Variants in TMCO5A observed in about 807,000 individuals in gnomAD.
TMCO5A encodes the protein transmembrane and coiled-coil domain-containing protein 5A.
A neutral mutation model predicts 42.3 loss-of-function variants in TMCO5A; 34 were observed. The observed-to-expected ratio is 0.80, with a 90% CI of 0.61 to 1.07. The LOEUF is 1.07. TMCO5A is among the 50% of genes least tolerant of loss of function. The pLI is 0.00. For missense variants in TMCO5A, 357 were observed against 327.9 expected (o/e 1.09, Z -0.69); for synonymous variants, 131 against 115.6 (o/e 1.13, Z -0.86).
At chr15:37,949,721 T>A (rs984752558) in intron 11 of TMCO5A, among the ~76,000 whole-genome samples, 33 of 149,620 alleles carry the variant, frequency 2.2e-4, no homozygotes, top group African/African-American at 7.7e-4. Flanking sequence ...AAAAAAAAAA[T>A]AAAAATCTTC....
the TMCO5A span, among the ~76,000 whole-genome samples, chr15:38,010,197 C>A: frequency 2.1e-5 from 3 of 142,134 alleles, no homozygotes; most frequent in South Asian, 7.1e-4. Flanking sequence ...GACAGTGAAA[C>A]CCCGTCTCTA....
At chr15:37,987,652 C>T in the TMCO5A span, among the ~76,000 whole-genome samples, 2 of 151,946 alleles carry the variant, frequency 1.3e-5, no homozygotes, top group African/African-American at 2.4e-5. Flanking sequence ...TCTTGGCACA[C>T]TTATCAAAAC....
the TMCO5A span, chr15:37,994,787 C>A: frequency 6.6e-6 from 1 of 152,308 alleles, no homozygotes; most frequent in Non-Finnish European, 1.5e-5. Context: ...TACAAGCCAG[C>A]CCAGTTCTGG....
rs747125836 is a variant in TMCO5A at position 37,951,182 on chromosome 15, G to A, written c.815G>A (p.Cys272Tyr). The change falls in exon 12 of 12, where the codon TGC becomes TAC. Residue 272 changes from cysteine (C) to tyrosine (Y), a missense_variant. By Grantham distance (194) the Cys-to-Tyr change is radical. Coordinates refer to ENST00000319669, the MANE Select transcript of TMCO5A (RefSeq NM_152453.4). Reference protein sequence around the residue: ...LGRSTLWKLRCFFFPSLTLET... With the variant: ...LGRSTLWKLRYFFFPSLTLET... ...AGGAGCACCTTGTGGAAGCTCAGAT[G>A]CTTCTTCTTTCCATCTCTCACACTT... 3 of 1,613,854 alleles carry A rather than the reference G, an allele frequency of 1.9e-6. No homozygotes were observed. The highest frequency in any genetic ancestry group is 2.2e-5 in the South Asian group (2 of 91,064).
intron 10 of TMCO5A, among the ~76,000 whole-genome samples, chr15:37,946,792 C>T (rs989506258): frequency 1.3e-5 from 2 of 152,104 alleles, no homozygotes; most frequent in African/African-American, 2.4e-5. Flanking sequence ...ATCATGTCAC[C>T]TGCAAACAAA....
the TMCO5A span, among the ~76,000 whole-genome samples, chr15:38,005,386 C>G: frequency 1.5e-5 from 2 of 132,734 alleles, no homozygotes; most frequent in Non-Finnish European, 1.6e-5. Context: ...AGCAAGACCC[C>G]ATCTCTACCA....
the TMCO5A span, among the ~76,000 whole-genome samples, chr15:37,979,683 C>T: frequency 1.3e-5 from 2 of 151,928 alleles, no homozygotes; most frequent in South Asian, 2.1e-4. Context: ...CGGTGGAGGG[C>T]TGCATTAGTC....
At chr15:38,029,097 T>C in the TMCO5A span, among the ~76,000 whole-genome samples, 1 of 152,108 alleles carries the variant, frequency 6.6e-6, no homozygotes, top group Non-Finnish European at 1.5e-5. Flanking sequence ...GAGAAGCAGA[T>C]GAATCAGACT....
chr15:37,940,585 T>C (rs1208996624), intron 6 of TMCO5A, among the ~76,000 whole-genome samples: 1 of 152,124 alleles, frequency 6.6e-6, no homozygotes, highest in Non-Finnish European at 1.5e-5. Flanking sequence ...CATTATCATG[T>C]AGATGTATTT....
chr15:37,959,388 C>A (rs542684479), intron 11 of TMCO5A, among the ~76,000 whole-genome samples: 1 of 151,872 alleles, frequency 6.6e-6, no homozygotes, highest in African/African-American at 2.4e-5. Context: ...CAAAACCAGA[C>A]AAAGACACGT....
At chr15:38,032,959 G>C in the TMCO5A span, among the ~76,000 whole-genome samples, 2 of 133,684 alleles carry the variant, frequency 1.5e-5, no homozygotes, top group African/African-American at 5.8e-5. Flanking sequence ...ACGGAGTCTC[G>C]CCTTGTCGCC....
chr15:37,956,934 A>G (rs927254229), intron 11 of TMCO5A, among the ~76,000 whole-genome samples: 2 of 152,310 alleles, frequency 1.3e-5, no homozygotes, highest in African/African-American at 2.4e-5. Context: ...GGCTGGTTCA[A>G]CGGATGCCAA....
chr15:37,978,375 G>A, the TMCO5A span, among the ~76,000 whole-genome samples: 1 of 152,244 alleles, frequency 6.6e-6, no homozygotes, highest in Non-Finnish European at 1.5e-5. Context: ...CTCGGTCCTA[G>A]GGAAACACAG....
At chr15:37,980,469 GTCTC>G in the TMCO5A span, among the ~76,000 whole-genome samples, 1 of 152,044 alleles carries the variant, frequency 6.6e-6, no homozygotes, top group East Asian at 1.9e-4. Context: ...TAGCTGTCCT[GTCTC>G]TCTCTTCTCC....
In TMCO5A at chr15:37,942,342, A is replaced by G. The variant is rs77183192; in HGVS notation, c.569+87A>G. On this transcript the variant is annotated intron_variant, in intron 9 of 11. Coordinates refer to ENST00000319669, the MANE Select transcript of TMCO5A (RefSeq NM_152453.4). ...GCAAACAGTTCTCAGACCAATTTCT[A>G]TTTGGAATTGAATGAGTCCCGACGC... The G allele has an allele frequency of 5.8e-3, 7,703 of 1,323,290 alleles. 165 individuals are homozygous for G. In the East Asian group the frequency reaches 0.062, roughly 11 times the overall value. 82.0% of individuals were successfully genotyped at this position (1,323,290 alleles called of 1,614,324 possible). A position where few individuals can be genotyped will look rare whatever the true frequency, so the allele number is the denominator to read the frequency against.
chr15:37,942,277 T>C, intron 9 of TMCO5A, 22 bp downstream of exon 9: 1 of 1,609,870 alleles, frequency 6.2e-7, no homozygotes, highest in Non-Finnish European at 8.5e-7. Context: ...CAAAGGAACA[T>C]CCTGGTTTTG....
At chr15:37,937,636 T>C (rs944034942) in intron 5 of TMCO5A, among the ~76,000 whole-genome samples, 1 of 152,168 alleles carries the variant, frequency 6.6e-6, no homozygotes, top group African/African-American at 2.4e-5. Flanking sequence ...TCATGGGTTC[T>C]TCATTCTATC....
At position 37,943,343 on chromosome 15, in the gene TMCO5A, CA is replaced by C; in HGVS notation, c.576del (p.Lys192AsnfsTer3). On this transcript the variant is annotated frameshift_variant, in exon 10 of 12. Transcript: ENST00000319669. LOFTEE classifies it high-confidence loss of function. ...LEALFLEREV[S>X]KLVSMNPVEK... ...TGTCCTGGCTGTTATCTTCATAGAT[CA>C]AAACTCGTGAGCATGAACCCTGTGG... 6.2e-7 allele frequency: 1 copy of C among 1,612,138 alleles called. No individual in the cohort carries two copies.
chr15:38,021,873 G>A, the TMCO5A span, among the ~76,000 whole-genome samples: 2 of 148,218 alleles, frequency 1.3e-5, no homozygotes, highest in Non-Finnish European at 1.5e-5. Flanking sequence ...GCAGCGGCCC[G>A]ATCTCAGCTC....
Sources: allele counts gnomAD v4.1 joint callset (sites outside exome capture counted in the v4.1 genomes callset), GRCh38; gene constraint gnomAD v4.1.1; transcripts MANE v1.5; gene names NCBI Gene and HGNC (gene_info 2026-07-23, HGNC 2026-07-21).